Variants in CLVS1 observed in about 807,000 individuals in gnomAD.
CLVS1 encodes clavesin 1, also known as clavesin-1.
In CLVS1, 10 loss-of-function variants were observed where a neutral mutation model predicts 33.1. That is an observed-to-expected ratio of 0.30 (90% CI 0.19 to 0.51). CLVS1 has a LOEUF of 0.51. Ranked by LOEUF, CLVS1 falls within the 20% of genes least tolerant of loss-of-function variation. The pLI is 0.97. For missense variants in CLVS1, 343 were observed against 433.4 expected, an observed-to-expected ratio of 0.79 and a Z score of 1.85; for synonymous variants, 163 against 166.1, an observed-to-expected ratio of 0.98 and a Z score of 0.14.
intron 2 of CLVS1, chr8:61,202,521 G>A (rs1415919286): frequency 9.6e-7 from 1 of 1,043,166 alleles, no homozygotes; most frequent in East Asian, 2.4e-5. Context: ...AGGATGAATT[G>A]CACATTGTTG....
chr8:61,448,596 C>G (rs752063023), intron 3 of CLVS1, among the ~76,000 whole-genome samples: 6 of 151,794 alleles, frequency 4.0e-5, no homozygotes, highest in Non-Finnish European at 8.8e-5. Context: ...TCCAGATGAG[C>G]CAGGCACAGT....
chr8:61,360,896 T>C (rs767058825), intron 2 of CLVS1, among the ~76,000 whole-genome samples: 36 of 152,162 alleles, frequency 2.4e-4, no homozygotes, highest in African/African-American at 8.7e-4. Flanking sequence ...TGAGACTAGA[T>C]AATTTATTTA....
intron 1 of CLVS1, among the ~76,000 whole-genome samples, chr8:61,096,807 A>C (rs1805359373): frequency 6.6e-6 from 1 of 152,150 alleles, no homozygotes; most frequent in Non-Finnish European, 1.5e-5. Flanking sequence ...TTGGCCCTTT[A>C]GCATGCTTCC....
chr8:61,099,721 T>C (rs1273139430), intron 1 of CLVS1, among the ~76,000 whole-genome samples: 4 of 152,180 alleles, frequency 2.6e-5, no homozygotes, highest in African/African-American at 9.7e-5. Context: ...CTGTTGAAAG[T>C]TTATTGTGAT....
At chr8:61,324,881 T>A (rs1207409372) in intron 2 of CLVS1, among the ~76,000 whole-genome samples, 2 of 152,078 alleles carry the variant, frequency 1.3e-5, no homozygotes, top group Non-Finnish European at 2.9e-5. Flanking sequence ...ATCTAGAGAT[T>A]TGTGGACTAA....
At chr8:61,492,825 A>C (rs779124142) in intron 5 of CLVS1, among the ~76,000 whole-genome samples, 2 of 152,214 alleles carry the variant, frequency 1.3e-5, no homozygotes, top group African/African-American at 4.8e-5. Context: ...TTCTCTTAAA[A>C]AAATTATTTA....
intron 1 of CLVS1, among the ~76,000 whole-genome samples, chr8:61,108,568 T>C (rs1407487584): frequency 6.6e-6 from 1 of 152,220 alleles, no homozygotes; most frequent in African/African-American, 2.4e-5. Context: ...TATATTATTA[T>C]GTAATACTTC....
At chr8:61,225,714 C>T (rs1365439743) in intron 2 of CLVS1, among the ~76,000 whole-genome samples, 3 of 152,204 alleles carry the variant, frequency 2.0e-5, no homozygotes, top group Admixed American at 6.5e-5. Flanking sequence ...AAAGAAAATG[C>T]ATTCTATAAG....
chr8:60,973,493 A>T, the CLVS1 span, among the ~76,000 whole-genome samples: 1 of 152,230 alleles, frequency 6.6e-6, no homozygotes, highest in Admixed American at 6.5e-5. Context: ...CCTCAGAAGA[A>T]AGAATTCAAC....
the CLVS1 span, among the ~76,000 whole-genome samples, chr8:61,012,141 C>A: frequency 6.6e-6 from 1 of 152,170 alleles, no homozygotes; most frequent in Non-Finnish European, 1.5e-5. Flanking sequence ...GCAAAGATGT[C>A]CAGCTTTCCC....
At chr8:61,040,118 A>C in the CLVS1 span, among the ~76,000 whole-genome samples, 1 of 152,118 alleles carries the variant, frequency 6.6e-6, no homozygotes, top group Non-Finnish European at 1.5e-5. Flanking sequence ...TCCTACATTG[A>C]TTTGCTTAGC....
At chr8:61,394,465 G>C (rs1237759276) in intron 3 of CLVS1, among the ~76,000 whole-genome samples, 1 of 152,152 alleles carries the variant, frequency 6.6e-6, no homozygotes, top group Non-Finnish European at 1.5e-5. Flanking sequence ...GGCAGGGTTA[G>C]GTGGGTCTGA....
intron 2 of CLVS1, among the ~76,000 whole-genome samples, chr8:61,157,173 G>T (rs1049684704): frequency 6.6e-6 from 1 of 152,158 alleles, no homozygotes; most frequent in African/African-American, 2.4e-5. Context: ...CTGAACTCTG[G>T]ATTCTGACCC....
chr8:61,141,006 A>G (rs577340997), intron 2 of CLVS1, among the ~76,000 whole-genome samples: 3 of 152,288 alleles, frequency 2.0e-5, no homozygotes, highest in Admixed American at 1.3e-4. Flanking sequence ...GAGATTTGTG[A>G]TCAGACGGAA....
chr8:61,063,465 G>A (rs761449817), intron 1 of CLVS1, among the ~76,000 whole-genome samples: 4 of 152,112 alleles, frequency 2.6e-5, no homozygotes, highest in Non-Finnish European at 5.9e-5. Context: ...CACGTCAAGC[G>A]CAGAGACATC....
At position 61,164,024 on chromosome 8, in the gene CLVS1, C is replaced by T. The variant is rs567412256; in HGVS notation, c.-152+32164C>T. On this transcript the variant is annotated intron_variant, in intron 2 of 2. Transcript: ENST00000522621. ...GGGTTGCCCACTCCCGGCTCGAATG[C>T]GTGGGGTTTATATCCCAATCATTGT... Among the ~76,000 whole-genome samples, 474 of 152,270 alleles carry T rather than the reference C, an allele frequency of 3.1e-3. 1 individual carries two copies. Among genetic ancestry groups the T allele is most frequent in the Non-Finnish European group, 5.5e-3 (371 of 68,016 alleles).
At chr8:61,215,109 CA>C (rs1275657763) in intron 2 of CLVS1, among the ~76,000 whole-genome samples, 11 of 152,000 alleles carry the variant, frequency 7.2e-5, no homozygotes, top group Admixed American at 2.0e-4. Flanking sequence ...CAACCCTAAC[CA>C]CTTATCTTCT....
intron 2 of CLVS1, among the ~76,000 whole-genome samples, chr8:61,338,188 C>T (rs975472494): frequency 6.6e-6 from 1 of 152,178 alleles, no homozygotes; most frequent in African/African-American, 2.4e-5. Context: ...ACAGAGCCTC[C>T]ATTTCTGCAA....
the CLVS1 span, among the ~76,000 whole-genome samples, chr8:60,975,578 G>A: frequency 6.6e-6 from 1 of 152,160 alleles, no homozygotes; most frequent in Non-Finnish European, 1.5e-5. Context: ...TGCAGGAAGA[G>A]GCAAGGCAGT....
Sources: allele counts gnomAD v4.1 joint callset (sites outside exome capture counted in the v4.1 genomes callset), GRCh38; gene constraint gnomAD v4.1.1; transcripts MANE v1.5; gene names NCBI Gene and HGNC (gene_info 2026-07-23, HGNC 2026-07-21).